Variants in OR10A2 observed in about 807,000 individuals in gnomAD.
The protein encoded by OR10A2 is olfactory receptor family 10 subfamily A member 2, also known as olfactory receptor 10A2.
In OR10A2, 15 loss-of-function variants were observed where a neutral mutation model predicts 13.7. The observed-to-expected ratio is 1.10, with a 90% CI of 0.73 to 1.69. The LOEUF (loss-of-function observed/expected upper bound fraction) is 1.69, where lower values mean the gene tolerates loss of function less well. Among genes scored for constraint, OR10A2 ranks in the 40% most tolerant of loss-of-function variants. The pLI is 0.00. For missense variants in OR10A2, 343 were observed against 361.1 expected (o/e 0.95, Z 0.41); for synonymous variants, 145 against 144.7 (o/e 1.00, Z -0.02).
chr11:6,863,715 A>C (rs2595455), intron 1 of OR10A2, among the ~76,000 whole-genome samples: 63,349 of 151,994 alleles, frequency 0.42, 13,648 homozygotes, highest in Middle Eastern at 0.58. Flanking sequence ...GACTTGCCTC[A>C]GTGGAACATT....
chr11:6,866,774 A>T (rs1332884641), intron 1 of OR10A2, among the ~76,000 whole-genome samples: 4 of 150,798 alleles, frequency 2.7e-5, no homozygotes, highest in African/African-American at 4.9e-5. Flanking sequence ...TTTCAGAATT[A>T]AAAAAAAATC....
intron 1 of OR10A2, among the ~76,000 whole-genome samples, chr11:6,866,760 C>T (rs1398933065): frequency 6.6e-6 from 1 of 151,728 alleles, no homozygotes; most frequent in Non-Finnish European, 1.5e-5. Flanking sequence ...GAACTTTTCT[C>T]TATTTTCAGA....
At position 6,870,303 on chromosome 11, in the gene OR10A2, G is replaced by C. The variant is rs767385843; in HGVS notation, c.549G>C (p.Glu183Asp). The C allele has an allele frequency of 1.9e-6, 3 of 1,614,152 alleles. No homozygotes were observed. In the South Asian group the frequency reaches 3.3e-5, roughly 18 times the overall value. ...RLVCADTALF[E>D]IYAIVGTILV... ...TCTGTGCAGACACAGCACTCTTTGA[G>C]ATCTACGCCATCGTCGGAACCATTC... The change falls in exon 2 of 2, where the codon GAG (glutamate) becomes GAC (aspartate). Residue 183 changes from glutamate to aspartate, a missense_variant. By Grantham distance (45) the Glu-to-Asp change is conservative. Coordinates refer to ENST00000641461, the MANE Select transcript of OR10A2 (RefSeq NM_001004460.2).
In OR10A2 at chr11:6,872,507, G is replaced by C. The variant is rs1848444060; in HGVS notation, c.*1841G>C. 1 of 151,962 alleles carries C rather than the reference G, an allele frequency of 6.6e-6. No homozygotes were observed. The highest frequency in any genetic ancestry group is 2.1e-4 in the South Asian group (1 of 4,826). The allele number at this position is 151,962 out of a possible 1,614,324, so 9.4% of individuals were successfully genotyped here. On this transcript the variant is annotated 3_prime_UTR_variant, in exon 2 of 2. Coordinates refer to ENST00000641461, the MANE Select transcript of OR10A2 (RefSeq NM_001004460.2). The stretch of plus-strand genomic sequence containing the variant: ...GGTGTTTTGTTTTGTGTTTGAGACA[G>C]GGTCTCTCTCTCTGTCACCCAGGCT...
chr11:6,870,527 A>G lies in OR10A2; in HGVS notation c.773A>G (p.Lys258Arg). The G allele has an allele frequency of 3.7e-6, 6 of 1,613,906 alleles. No individual in the cohort carries two copies. Among genetic ancestry groups the G allele is most frequent in the Non-Finnish European group, 4.2e-6 (5 of 1,179,900 alleles). The change falls in exon 2 of 2, where the codon AAG (lysine) becomes AGG (arginine). Residue 258 changes from lysine to arginine, a missense_variant. Physicochemically the swap from Lys to Arg is conservative, Grantham distance 26. Coordinates refer to ENST00000641461, the MANE Select transcript of OR10A2 (RefSeq NM_001004460.2). ...RPKSNNSPEG[K>R]KLLSLSYTVM... ...AAATCAAATAATTCACCTGAGGGCA[A>G]GAAGCTGCTATCATTGTCCTACACT...
At chr11:6,866,468 C>A (rs1412056548) in intron 1 of OR10A2, among the ~76,000 whole-genome samples, 1 of 152,008 alleles carries the variant, frequency 6.6e-6, no homozygotes, top group Non-Finnish European at 1.5e-5. Flanking sequence ...CCCATGTGGC[C>A]CAGGGAAGCC....
At chr11:6,864,248 G>A (rs1253543408) in intron 1 of OR10A2, among the ~76,000 whole-genome samples, 2 of 151,456 alleles carry the variant, frequency 1.3e-5, no homozygotes, top group Non-Finnish European at 2.9e-5. Flanking sequence ...AGTCTTCTCC[G>A]CCAGCACCAC....
intron 1 of OR10A2, among the ~76,000 whole-genome samples, chr11:6,867,426 G>A (rs1340445159): frequency 6.6e-6 from 1 of 152,108 alleles, no homozygotes; most frequent in African/African-American, 2.4e-5. Flanking sequence ...TGGCCAGGCT[G>A]TTTTCAAACT....
In OR10A2 at chr11:6,873,151, GC is replaced by G; in HGVS notation, c.*2486del. ...AATATGACGTAGGCATTCCTGAAAA[GC>G]TTATGTAATGCAAACCTTTACATTA... On this transcript the variant is annotated 3_prime_UTR_variant, in exon 2 of 2. Transcript: ENST00000641461. 6.6e-6 allele frequency: 1 copy of G among 152,108 alleles called. No individual in the cohort carries two copies. Among genetic ancestry groups the G allele is most frequent in the Middle Eastern group, 3.2e-3 (1 of 316 alleles). 9.4% of individuals were successfully genotyped at this position (152,108 alleles called of 1,614,324 possible). A position where few individuals can be genotyped will look rare whatever the true frequency, so the allele number is the denominator to read the frequency against.
intron 1 of OR10A2, among the ~76,000 whole-genome samples, chr11:6,865,697 C>T (rs942746101): frequency 7.4e-6 from 1 of 135,804 alleles, no homozygotes; most frequent in Non-Finnish European, 1.6e-5. Flanking sequence ...CTTATTGCAA[C>T]TCTATATTTA....
rs1848439603 is a variant in OR10A2 at position 6,872,048 on chromosome 11, G to T, written c.*1382G>T. Reference sequence around the variant, plus strand: ...ACAACTCAACAATAACATTTCTCATGAAATATTTAGAATTTCGATTATTTA... The same window carrying T: ...ACAACTCAACAATAACATTTCTCATTAAATATTTAGAATTTCGATTATTTA... On this transcript the variant is annotated 3_prime_UTR_variant, in exon 2 of 2. Coordinates refer to ENST00000641461, the MANE Select transcript of OR10A2 (RefSeq NM_001004460.2). The T allele has an allele frequency of 6.6e-6, 1 of 152,040 alleles. No homozygotes were observed. The allele number at this position is 152,040 out of a possible 1,614,324, so 9.4% of individuals were successfully genotyped here. A position where few individuals can be genotyped will look rare whatever the true frequency, so the allele number is the denominator to read the frequency against.
In OR10A2 at chr11:6,869,648, G is replaced by A; in HGVS notation, c.-107G>A. 9.8e-7 allele frequency: 1 copy of A among 1,017,918 alleles called. No homozygotes were observed. Among genetic ancestry groups the A allele is most frequent in the Non-Finnish European group, 1.5e-6 (1 of 674,322 alleles). 63.1% of individuals were successfully genotyped at this position (1,017,918 alleles called of 1,614,324 possible). A position where few individuals can be genotyped will look rare whatever the true frequency, so the allele number is the denominator to read the frequency against. On this transcript the variant is annotated 5_prime_UTR_variant, in exon 2 of 2. Coordinates refer to ENST00000641461, the MANE Select transcript of OR10A2 (RefSeq NM_001004460.2). ...TAAGAACGAGTCTGAAAAACAAATT[G>A]AGAATCTGACTTCCAATCAATAATC...
chr11:6,866,108 TA>T (rs1376064763), intron 1 of OR10A2, among the ~76,000 whole-genome samples: 1 of 152,240 alleles, frequency 6.6e-6, no homozygotes, highest in Admixed American at 6.5e-5. Context: ...CTGAGTTTAC[TA>T]AGGTATAAAT....
rs1259711480 is a variant in OR10A2 at position 6,874,015 on chromosome 11, G to C, written c.*3349G>C. On this transcript the variant is annotated 3_prime_UTR_variant, in exon 2 of 2. Transcript: ENST00000641461. ...AGTTCCTGGCTTGTACTTTGGGGTG[G>C]TGCCATTTACTGAAATGGGGTATCT... 4 of 152,238 alleles carry C rather than the reference G, an allele frequency of 2.6e-5. No homozygotes were observed. The highest frequency in any genetic ancestry group is 5.9e-5 in the Non-Finnish European group (4 of 68,040). The allele number at this position is 152,238 out of a possible 1,614,324, so 9.4% of individuals were successfully genotyped here.
chr11:6,865,681 T>A (rs911214557), intron 1 of OR10A2, among the ~76,000 whole-genome samples: 1 of 150,944 alleles, frequency 6.6e-6, no homozygotes, highest in African/African-American at 2.4e-5. Context: ...AAAAATGTGT[T>A]CAAAGCTTAT....
In OR10A2 at chr11:6,870,460, T is replaced by A. The variant is rs1444089283; in HGVS notation, c.706T>A (p.Ser236Thr). Residue 236 changes from serine to threonine, a missense_variant, in exon 2 of 2, where the codon TCT becomes ACT. By Grantham distance (58) the Ser-to-Thr change is moderately conservative. Transcript: ENST00000641461. ...STCSSHLLVV[S>T]LFYISLSLTY... The stretch of plus-strand genomic sequence containing the variant: ...ATGTTCCTCACACCTCCTTGTTGTC[T>A]CTCTTTTCTATATATCATTAAGCCT... 6.2e-7 allele frequency: 1 copy of A among 1,614,186 alleles called. No homozygotes were observed. The highest frequency in any genetic ancestry group is 1.1e-5 in the South Asian group (1 of 91,088).
chr11:6,867,391 T>C (rs1411854439), intron 1 of OR10A2, among the ~76,000 whole-genome samples: 1 of 152,054 alleles, frequency 6.6e-6, no homozygotes, highest in Non-Finnish European at 1.5e-5. Flanking sequence ...TTTGTATTTT[T>C]AGTAGAGAGG....
intron 1 of OR10A2, among the ~76,000 whole-genome samples, chr11:6,867,772 C>T (rs1848390888): frequency 1.3e-5 from 2 of 151,932 alleles, no homozygotes; most frequent in Admixed American, 1.3e-4. Flanking sequence ...TTTGTTGAGA[C>T]TGAGTCTCAC....
rs1037103503 is a variant in OR10A2, at chr11:6,871,644, G to A, written c.*978G>A. 3.3e-5 allele frequency: 5 copies of A among 152,056 alleles called. No homozygotes were observed. Among genetic ancestry groups the A allele is most frequent in the South Asian group, 4.1e-4 (2 of 4,828 alleles). The allele number at this position is 152,056 out of a possible 1,614,324, so 9.4% of individuals were successfully genotyped here. On this transcript the variant is annotated 3_prime_UTR_variant, in exon 2 of 2. Transcript: ENST00000641461. Reference sequence around the variant, plus strand: ...CTCTATTCCATATTCAGGTTCTTATGTTTTGTTGAAGTAATATCGTAAATT... The same window carrying A: ...CTCTATTCCATATTCAGGTTCTTATATTTTGTTGAAGTAATATCGTAAATT...
Sources: allele counts gnomAD v4.1 joint callset (sites outside exome capture counted in the v4.1 genomes callset), GRCh38; gene constraint gnomAD v4.1.1; transcripts MANE v1.5; gene names NCBI Gene and HGNC (gene_info 2026-07-23, HGNC 2026-07-21).